Variants in CCDC7 observed in about 807,000 individuals in gnomAD.
CCDC7 encodes the protein coiled-coil domain containing 7, also known as coiled-coil domain-containing protein 7.
In CCDC7, 183 loss-of-function variants were observed where a neutral mutation model predicts 196.9. The observed-to-expected ratio is 0.93, with a 90% CI of 0.82 to 1.05. CCDC7 has a LOEUF of 1.05. Among genes scored for constraint, CCDC7 ranks in the 50% least tolerant of loss-of-function variants. The pLI is 0.00. For synonymous variants in CCDC7, 525 were observed against 484.6 expected (o/e 1.08, Z -1.10); for missense variants, 1,540 against 1,482.2 (o/e 1.04, Z -0.64).
chr10:32,549,099 GGCATTCGT>G (rs1474853713), intron 13 of CCDC7, among the ~76,000 whole-genome samples: 1 of 152,080 alleles, frequency 6.6e-6, no homozygotes, highest in African/African-American at 2.4e-5. Context: ...TTTGATTATG[GGCATTCGT>G]GCAGGAGCAA....
exon 42 of CCDC7, chr10:32,876,367 A>C: frequency 6.2e-7 from 1 of 1,611,368 alleles, no homozygotes; most frequent in Non-Finnish European, 8.5e-7. Flanking sequence ...TGCTGCCCGA[A>C]AATCTGTACC....
chr10:32,801,266 ACT>A, intron 29 of CCDC7, among the ~76,000 whole-genome samples: 1 of 152,206 alleles, frequency 6.6e-6, no homozygotes, highest in Middle Eastern at 3.4e-3. Context: ...TGACTAATCC[ACT>A]CTAGCATCCT....
rs568435354 is a variant in CCDC7 at position 32,525,907 on chromosome 10, G to T, written c.993+7402G>T. 7.2e-5 allele frequency among the ~76,000 whole-genome samples: 11 copies of T among 152,282 alleles called. No individual in the cohort carries two copies. The East Asian group carries it at 2.1e-3, about 29-fold the overall frequency. ...CTGAGCCATCTGGAACTGGGGGTGT[G>T]TTGTGCAAGCACCCCTGTGGTCACC... On this transcript the variant is annotated intron_variant, in intron 11 of 41. Coordinates refer to ENST00000639629, the Ensembl canonical transcript of CCDC7.
intron 8 of CCDC7, among the ~76,000 whole-genome samples, chr10:32,480,337 T>C (rs935995187): frequency 6.6e-6 from 1 of 152,098 alleles, no homozygotes; most frequent in African/African-American, 2.4e-5. Context: ...TACTTATTTA[T>C]TTAGAGATAG....
chr10:32,790,280 C>T (rs1054658417), intron 29 of CCDC7, among the ~76,000 whole-genome samples: 3 of 152,180 alleles, frequency 2.0e-5, no homozygotes, highest in Admixed American at 1.3e-4. Context: ...TGTTTCTGTC[C>T]GGGACCCCAG....
intron 29 of CCDC7, among the ~76,000 whole-genome samples, chr10:32,783,754 A>T (rs2134390279): frequency 6.6e-6 from 1 of 152,376 alleles, no homozygotes; most frequent in African/African-American, 2.4e-5. Context: ...AATCTCCATC[A>T]GCAAATGAAT....
intron 16 of CCDC7, among the ~76,000 whole-genome samples, chr10:32,579,460 A>C (rs930704709): frequency 6.6e-6 from 1 of 152,182 alleles, no homozygotes; most frequent in African/African-American, 2.4e-5. Flanking sequence ...ATAATTCAGA[A>C]TGTCCTTATA....
At chr10:32,475,500 A>C (rs901642912) in intron 8 of CCDC7, among the ~76,000 whole-genome samples, 1 of 152,220 alleles carries the variant, frequency 6.6e-6, no homozygotes, top group East Asian at 1.9e-4. Flanking sequence ...TCCAATCATA[A>C]AACCACATTT....
At chr10:32,610,029 A>AGT (rs113353807) in intron 18 of CCDC7, among the ~76,000 whole-genome samples, 19,766 of 146,316 alleles carry the variant, frequency 0.14, 1,447 homozygotes, top group South Asian at 0.27. Flanking sequence ...TGTATGTATG[A>AGT]GTGTGTGTGT....
At chr10:32,473,903 A>G in intron 7 of CCDC7, 64 bp from the exon 9 acceptor site, 1 of 1,412,158 alleles carries the variant, frequency 7.1e-7, no homozygotes, top group Admixed American at 2.5e-5. Context: ...AATAAAATTT[A>G]AACTCAATTA....
At chr10:32,525,022 G>T (rs1055881403) in intron 11 of CCDC7, among the ~76,000 whole-genome samples, 2 of 150,944 alleles carry the variant, frequency 1.3e-5, no homozygotes, top group African/African-American at 4.9e-5. Context: ...CCCTCATGAG[G>T]CTGTTTTCTA....
chr10:32,578,383 TTTA>T (rs973965395), intron 16 of CCDC7, among the ~76,000 whole-genome samples: 6 of 151,574 alleles, frequency 4.0e-5, no homozygotes, highest in South Asian at 2.1e-4. Context: ...TATTGTACAC[TTTA>T]TTATTATTAT....
chr10:32,676,929 A>G (rs1187067995), intron 21 of CCDC7, among the ~76,000 whole-genome samples: 1 of 152,144 alleles, frequency 6.6e-6, no homozygotes, highest in East Asian at 1.9e-4. Context: ...ACATATATTT[A>G]TTGCGGCACT....
At chr10:32,677,604 T>A (rs2140950494) in intron 21 of CCDC7, among the ~76,000 whole-genome samples, 1 of 152,302 alleles carries the variant, frequency 6.6e-6, no homozygotes, top group Middle Eastern at 3.4e-3. Flanking sequence ...TTTATGGGTT[T>A]ATCTTGTATG....
chr10:32,453,707 G>A (rs1455882726), intron 2 of CCDC7, among the ~76,000 whole-genome samples: 4 of 152,228 alleles, frequency 2.6e-5, no homozygotes, highest in Middle Eastern at 3.4e-3. Flanking sequence ...TCACATTTTA[G>A]TAAAGATATG....
At chr10:32,561,316 G>A (rs973087568) in intron 13 of CCDC7, among the ~76,000 whole-genome samples, 1 of 152,114 alleles carries the variant, frequency 6.6e-6, no homozygotes, top group African/African-American at 2.4e-5. Flanking sequence ...GACATCTACA[G>A]AACTCTCCAC....
intron 18 of CCDC7, among the ~76,000 whole-genome samples, chr10:32,630,435 G>C (rs1008713811): frequency 1.3e-5 from 2 of 151,988 alleles, no homozygotes; most frequent in Non-Finnish European, 2.9e-5. Context: ...CTTAATATAA[G>C]GTGCTGTTCT....
intron 21 of CCDC7, among the ~76,000 whole-genome samples, chr10:32,684,971 T>G (rs2076296513): frequency 9.0e-6 from 1 of 111,422 alleles, no homozygotes. Flanking sequence ...TTTTTTTTTT[T>G]GAAATATACG....
At chr10:32,534,584 G>C (rs1425498530) in intron 11 of CCDC7, among the ~76,000 whole-genome samples, 3 of 151,928 alleles carry the variant, frequency 2.0e-5, no homozygotes, top group African/African-American at 7.3e-5. Flanking sequence ...CTGCTTTTTT[G>C]GGGGTGCTCT....
Sources: gnomAD v4.1 joint callset for allele counts (sites outside exome capture counted in the v4.1 genomes callset) on GRCh38, gnomAD v4.1.1 for gene constraint, MANE v1.5 for transcripts, NCBI Gene and HGNC (gene_info 2026-07-23, HGNC 2026-07-21) for gene names.